The following NSF variants were observed in gnomAD, a reference collection of about 807,000 sequenced individuals.
NSF encodes the protein vesicle-fusing ATPase.
A neutral mutation model predicts 50.3 loss-of-function variants in NSF; 14 were observed. That is an observed-to-expected ratio of 0.28 (90% confidence interval 0.18 to 0.44). The LOEUF (loss-of-function observed/expected upper bound fraction) is 0.44. Ranked by LOEUF, NSF falls within the 20% of genes least tolerant of loss-of-function variation. The pLI is 1.00. For synonymous variants in NSF, 109 were observed against 175.7 expected (o/e 0.62, Z 3.00); for missense variants, 218 against 504.3 (o/e 0.43, Z 5.44).
At chr17:46,727,238 A>G (rs2058898794) in intron 16 of NSF, among the ~76,000 whole-genome samples, 1 of 152,224 alleles carries the variant, frequency 6.6e-6, no homozygotes, top group Non-Finnish European at 1.5e-5. Flanking sequence ...CCTACAGAAT[A>G]CAAACATGAA....
chr17:46,734,192 A>G (rs1838200806), intron 17 of NSF, among the ~76,000 whole-genome samples: 1 of 152,214 alleles, frequency 6.6e-6, no homozygotes, highest in Non-Finnish European at 1.5e-5. Flanking sequence ...ATAAGCAGAT[A>G]ATGGAAGAGA....
At chr17:46,732,906 T>A (rs1457369979) in intron 17 of NSF, among the ~76,000 whole-genome samples, 1 of 152,206 alleles carries the variant, frequency 6.6e-6, no homozygotes, top group Non-Finnish European at 1.5e-5. Context: ...CCAGCCTGCT[T>A]CATCTACATG....
At chr17:46,598,522 AGGT>A (rs1356139439) in intron 1 of NSF, among the ~76,000 whole-genome samples, 1 of 152,256 alleles carries the variant, frequency 6.6e-6, no homozygotes, top group Admixed American at 6.5e-5. Context: ...AACCTAGTCG[AGGT>A]CATCTGTTTG....
chr17:46,625,468 AAG>A (rs990248979), intron 2 of NSF, among the ~76,000 whole-genome samples: 5 of 47,214 alleles, frequency 1.1e-4, no homozygotes, highest in Non-Finnish European at 1.8e-4. Flanking sequence ...GCTTCAGAGT[AAG>A]AGGCTGTACT....
chr17:46,750,035 A>G, intron 18 of NSF, 128 bp downstream of exon 18: 1 of 1,083,576 alleles, frequency 9.2e-7, no homozygotes, highest in Non-Finnish European at 1.3e-6. Flanking sequence ...GGGATATTAC[A>G]GGTTGTATAT....
At chr17:46,714,880 T>C (rs1453248685) in intron 15 of NSF, among the ~76,000 whole-genome samples, 2 of 152,242 alleles carry the variant, frequency 1.3e-5, no homozygotes, top group African/African-American at 4.8e-5. Context: ...ATCTTGAGAA[T>C]TGAAGTGCTC....
chr17:46,738,793 G>C (rs1168115676), intron 17 of NSF, among the ~76,000 whole-genome samples: 4 of 152,232 alleles, frequency 2.6e-5, no homozygotes, highest in Non-Finnish European at 5.9e-5. Flanking sequence ...TTCATGAGCT[G>C]TTCATACAGT....
intron 17 of NSF, among the ~76,000 whole-genome samples, chr17:46,737,908 A>ATATTATTAT (rs138655503): frequency 8.9e-5 from 13 of 145,870 alleles, no homozygotes; most frequent in African/African-American, 2.8e-4. Flanking sequence ...TAAAATTAGC[A>ATATTATTAT]TATTATTATT....
In NSF at chr17:46,755,982, C is replaced by T; in HGVS notation, c.*159C>T. 1 of 652,146 alleles carries T rather than the reference C, an allele frequency of 1.5e-6. No individual in the cohort carries two copies. The highest frequency in any genetic ancestry group is 2.6e-6 in the Non-Finnish European group (1 of 387,976). The allele number at this position is 652,146 out of a possible 1,614,324, so 40.4% of individuals were successfully genotyped here. On this transcript the variant is annotated 3_prime_UTR_variant, in exon 21 of 21. Coordinates refer to ENST00000398238, the MANE Select transcript of NSF (RefSeq NM_006178.4). ...TGATTAGTGCAATAAAACTCCCTTC[C>T]TTATGCATACTGAGATAGCTTAGTG...
intron 17 of NSF, among the ~76,000 whole-genome samples, chr17:46,746,134 G>T (rs550393592): frequency 3.0e-4 from 46 of 152,276 alleles, no homozygotes; most frequent in African/African-American, 1.0e-3. Context: ...TCTGTGGAAG[G>T]TCTGTTGCAT....
intron 17 of NSF, among the ~76,000 whole-genome samples, chr17:46,739,104 TCACACCCGTAATCC>T (rs1268175421): frequency 2.0e-5 from 3 of 151,542 alleles, no homozygotes; most frequent in African/African-American, 7.3e-5. Context: ...GCACGGTGGC[TCACACCCGTAATCC>T]CAGCACTTTG....
chr17:46,625,704 T>C (rs887775528), intron 2 of NSF, among the ~76,000 whole-genome samples: 5 of 82,428 alleles, frequency 6.1e-5, no homozygotes, highest in Non-Finnish European at 1.0e-4. Context: ...ATAGAAACAT[T>C]AGCCATTGAT....
In NSF at chr17:46,635,777, ATGTGTG is replaced by A. The variant is rs148930686; in HGVS notation, c.239-1562_239-1557del. 3.5e-3 allele frequency among the ~76,000 whole-genome samples: 412 copies of A among 116,794 alleles called. 35 individuals carry two copies. The highest frequency in any genetic ancestry group is 0.029 in the Middle Eastern group (6 of 208). 76.6% of individuals were successfully genotyped at this position (116,794 alleles called of 152,430 possible). A position where few individuals can be genotyped will look rare whatever the true frequency, so the allele number is the denominator to read the frequency against. On this transcript the variant is annotated intron_variant, in intron 4 of 20. Coordinates refer to ENST00000398238, the MANE Select transcript of NSF (RefSeq NM_006178.4). ...TTCAGGGAACCTAAAGGGAAAATAA[ATGTGTG>A]TGTGTGTGTGTGTGTGTGTGTGTGT...
intron 17 of NSF, among the ~76,000 whole-genome samples, chr17:46,740,972 G>C (rs2059065176): frequency 1.3e-5 from 2 of 152,078 alleles, no homozygotes; most frequent in African/African-American, 4.8e-5. Flanking sequence ...ATTATTTCTA[G>C]GTAATAAATC....
intron 17 of NSF, among the ~76,000 whole-genome samples, chr17:46,739,792 G>A (rs2059051166): frequency 6.6e-6 from 1 of 151,540 alleles, no homozygotes; most frequent in Non-Finnish European, 1.5e-5. Context: ...TCTGCCTCCC[G>A]GGTTCAAGCA....
chr17:46,717,978 C>T (rs2058790697), intron 15 of NSF, among the ~76,000 whole-genome samples: 1 of 152,198 alleles, frequency 6.6e-6, no homozygotes, highest in Admixed American at 6.5e-5. Flanking sequence ...ATTGCCAGAT[C>T]TACTTGGGGC....
chr17:46,730,294 T>A (rs947502734), intron 17 of NSF, among the ~76,000 whole-genome samples: 1 of 152,186 alleles, frequency 6.6e-6, no homozygotes, highest in African/African-American at 2.4e-5. Flanking sequence ...TTTAAATTTA[T>A]CTCTTAAAAT....
rs1369152303 is a variant in NSF, at chr17:46,719,483, ATT to A, written c.1761+5499_1761+5500del. On this transcript the variant is annotated intron_variant, in intron 15 of 20. Coordinates refer to ENST00000398238, the MANE Select transcript of NSF (RefSeq NM_006178.4). The surrounding 1 kb of genome is among the most constrained non-coding windows in gnomAD (Gnocchi z 4.3). ...TAAAATTCACCTTGTACTTCTCTTA[ATT>A]TGCTTATTAGTGAATCCTTTCTCCA... Among the ~76,000 whole-genome samples, 1 of 152,146 alleles carries A rather than the reference ATT, an allele frequency of 6.6e-6. No individual in the cohort carries two copies. The highest frequency in any genetic ancestry group is 2.4e-5 in the African/African-American group (1 of 41,416).
chr17:46,722,308 T>G, intron 15 of NSF: 1 of 733,128 alleles, frequency 1.4e-6, no homozygotes. Context: ...ACCTCCAGCC[T>G]CAGTCCTCCT....
Sources: allele counts gnomAD v4.1 joint callset (sites outside exome capture counted in the v4.1 genomes callset), GRCh38; gene constraint gnomAD v4.1.1; non-coding constraint Gnocchi (gnomAD v3.1); transcripts MANE v1.5; gene names NCBI Gene and HGNC (gene_info 2026-07-23, HGNC 2026-07-21).